Variants in NCK1 observed in about 807,000 individuals in gnomAD.
NCK1 encodes the protein SH2/SH3 adapter protein NCK1.
A neutral mutation model predicts 36.6 loss-of-function variants in NCK1; 19 were observed. That is an observed-to-expected ratio of 0.52 (90% CI 0.36 to 0.76). NCK1 has a LOEUF of 0.76. Ranked by LOEUF, NCK1 falls within the 30% of genes least tolerant of loss-of-function variation. NCK1 has a pLI of 0.00. For missense variants in NCK1, 358 were observed against 445.6 expected (o/e 0.80, Z 1.77); for synonymous variants, 165 against 156.0 (o/e 1.06, Z -0.43).
At chr3:136,869,816 T>C (rs1289074886) in intron 1 of NCK1, among the ~76,000 whole-genome samples, 5 of 152,168 alleles carry the variant, frequency 3.3e-5, no homozygotes, top group African/African-American at 4.8e-5. Context: ...TGGTTGTTAA[T>C]AGTTGCTTTT....
At chr3:136,930,327 G>A (rs766245769) in intron 2 of NCK1, 36 of 496,540 alleles carry the variant, frequency 7.3e-5, no homozygotes, top group South Asian at 4.2e-4. Flanking sequence ...TGAATAATAA[G>A]GTCATATTTT....
At chr3:136,891,127 C>T (rs1010410445) in intron 1 of NCK1, among the ~76,000 whole-genome samples, 3 of 152,232 alleles carry the variant, frequency 2.0e-5, no homozygotes, top group African/African-American at 4.8e-5. Flanking sequence ...ATGTTGTTTA[C>T]TCATTCAACT....
At position 136,928,112 on chromosome 3, in the gene NCK1, C is replaced by G; in HGVS notation, c.111C>G (p.Ser37=). 1 of 1,614,130 alleles carries G rather than the reference C, an allele frequency of 6.2e-7. No homozygotes were observed. Among genetic ancestry groups the G allele is most frequent in the Non-Finnish European group, 8.5e-7 (1 of 1,180,016 alleles). ...TATGGCTTCTGGATGATTCTAAGTC[C>G]TGGTGGCGAGTTCGAAATTCCATGA... ...ERLWLLDDSK[S]WWRVRNSMNK... is the part of the protein sequence containing the mutation. The change falls in exon 2 of 4, where the codon TCC becomes TCG. Residue 37 remains serine (S), a synonymous_variant. Transcript: ENST00000481752.
At chr3:136,934,841 G>A (rs4678275) in intron 2 of NCK1, among the ~76,000 whole-genome samples, 115,902 of 152,044 alleles carry the variant, frequency 0.76, 44,500 homozygotes, top group East Asian at 0.92. Flanking sequence ...AATTGGAGTC[G>A]GTTAAGCAAT....
chr3:136,941,161 T>G (rs1389062165), intron 2 of NCK1, among the ~76,000 whole-genome samples: 1 of 149,592 alleles, frequency 6.7e-6, no homozygotes, highest in African/African-American at 2.5e-5. Flanking sequence ...GGTCTCACTC[T>G]GTCACCCAGG....
chr3:136,899,846 G>C (rs1353519107), intron 1 of NCK1: 5 of 1,453,966 alleles, frequency 3.4e-6, no homozygotes, highest in Non-Finnish European at 3.9e-6. Context: ...CTCTCTGGTA[G>C]AGCTTATCAT....
chr3:136,913,597 C>A (rs1939883270), intron 1 of NCK1, among the ~76,000 whole-genome samples: 1 of 152,174 alleles, frequency 6.6e-6, no homozygotes, highest in Admixed American at 6.5e-5. Flanking sequence ...TGTAGGCTAT[C>A]TCAGATCTTT....
intron 2 of NCK1, among the ~76,000 whole-genome samples, chr3:136,942,185 A>G (rs926544872): frequency 1.3e-5 from 2 of 152,034 alleles, no homozygotes; most frequent in Non-Finnish European, 2.9e-5. Context: ...GAATTCCTTT[A>G]GTTTTTGTTT....
In NCK1 at chr3:136,895,727, G is replaced by A. The variant is rs560923236; in HGVS notation, c.-18-32257G>A. On this transcript the variant is annotated intron_variant, in intron 1 of 3. Transcript: ENST00000481752. ...TTACAGGTGCGTACCACCACACCCC[G>A]CTAATTTTTGCATTTTTAGTAGAGA... Among the ~76,000 whole-genome samples the A allele has an allele frequency of 5.1e-4, 77 of 151,950 alleles. 2 individuals are homozygous for A. The highest frequency in any genetic ancestry group is 3.9e-4 in the East Asian group (2 of 5,168).
chr3:136,886,074 C>G (rs1939066615), intron 1 of NCK1, among the ~76,000 whole-genome samples: 1 of 151,938 alleles, frequency 6.6e-6, no homozygotes, highest in Admixed American at 6.6e-5. Context: ...AAGACATTGT[C>G]CTTTAAAGTA....
intron 1 of NCK1, among the ~76,000 whole-genome samples, chr3:136,898,323 G>T (rs759093663): frequency 6.6e-6 from 1 of 151,514 alleles, no homozygotes; most frequent in Non-Finnish European, 1.5e-5. Context: ...CTTGAACCCG[G>T]GAGGCGGAGG....
Position 136,948,498 on chromosome 3 carries a change from G to A in NCK1, c.*45G>A. ...CTGCTGTGTAGCTGTAATTTGTCATGTAATTGAAGACTGAGAAAATGTTGG... is the reference window on the plus strand; with the variant it reads ...CTGCTGTGTAGCTGTAATTTGTCATATAATTGAAGACTGAGAAAATGTTGG... On this transcript the variant is annotated 3_prime_UTR_variant, in exon 4 of 4. Transcript: ENST00000481752. The A allele has an allele frequency of 6.5e-7, 1 of 1,533,316 alleles. No homozygotes were observed. The highest frequency in any genetic ancestry group is 1.4e-5 in the African/African-American group (1 of 72,578). 95.0% of individuals were successfully genotyped at this position (1,533,316 alleles called of 1,614,324 possible).
At chr3:136,919,769 T>A (rs1011341905) in intron 1 of NCK1, among the ~76,000 whole-genome samples, 3 of 152,164 alleles carry the variant, frequency 2.0e-5, no homozygotes, top group Non-Finnish European at 4.4e-5. Flanking sequence ...ATATAGGTCA[T>A]GATAAATATG....
At chr3:136,943,654 T>A (rs1940733382) in intron 2 of NCK1, among the ~76,000 whole-genome samples, 1 of 152,246 alleles carries the variant, frequency 6.6e-6, no homozygotes, top group African/African-American at 2.4e-5. Context: ...TTGTTTTTCC[T>A]TTGTTCCTAC....
intron 1 of NCK1, among the ~76,000 whole-genome samples, chr3:136,901,267 ATT>A (rs543590536): frequency 5.3e-5 from 6 of 112,892 alleles, no homozygotes; most frequent in African/African-American, 1.0e-4. Flanking sequence ...ATTGTGGTGT[ATT>A]TTTTTTTTTT....
In NCK1 at chr3:136,948,349, C is replaced by G; in HGVS notation, c.1030C>G (p.Arg344Gly). 5 of 1,613,048 alleles carry G rather than the reference C, an allele frequency of 3.1e-6. No homozygotes were observed. Among genetic ancestry groups the G allele is most frequent in the Non-Finnish European group, 4.2e-6 (5 of 1,179,306 alleles). ...AGAGACTGTCTACTGCATTGGGCAG[C>G]GTAAATTCAGCACCATGGAAGAACT... ...LKETVYCIGQRKFSTMEELVE... is the reference protein window; with the variant it reads ...LKETVYCIGQGKFSTMEELVE... The change falls in exon 4 of 4, where the codon CGT becomes GGT. Residue 344 changes from arginine to glycine, a missense_variant. By Grantham distance (125) the Arg-to-Gly change is moderately radical (BLOSUM62 -2). This residue lies in a region of NCK1 where 207 missense variants were observed against 253.4 expected (regional missense o/e 0.82). Transcript: ENST00000481752.
chr3:136,864,865 C>T (rs933994135), intron 1 of NCK1, among the ~76,000 whole-genome samples: 1 of 148,010 alleles, frequency 6.8e-6, no homozygotes, highest in Non-Finnish European at 1.5e-5. Context: ...TCAATCGATT[C>T]TTGTGCCTCG....
intron 1 of NCK1, among the ~76,000 whole-genome samples, chr3:136,880,410 A>AT (rs2108077139): frequency 6.6e-6 from 1 of 152,194 alleles, no homozygotes; most frequent in East Asian, 1.9e-4. Context: ...AAAGGGAGAG[A>AT]TTTTGACACA....
At chr3:136,938,024 A>T (rs942865474) in intron 2 of NCK1, among the ~76,000 whole-genome samples, 2 of 152,154 alleles carry the variant, frequency 1.3e-5, no homozygotes, top group Non-Finnish European at 2.9e-5. Flanking sequence ...ATTGAGTGTG[A>T]TGTCAGCTCC....
Sources: gnomAD v4.1 joint callset for allele counts (sites outside exome capture counted in the v4.1 genomes callset) on GRCh38, gnomAD v4.1.1 for gene constraint, gnomAD v4.1.1 regional missense constraint, MANE v1.5 for transcripts, NCBI Gene and HGNC (gene_info 2026-07-23, HGNC 2026-07-21) for gene names.